Variants in DPYS observed in about 807,000 individuals in gnomAD.
DPYS encodes dihydropyrimidinase, also known as dihydropyrimidine amidohydrolase.
Under a neutral mutation model 50.3 loss-of-function variants are expected in DPYS, and 39 were observed. The ratio of observed to expected loss-of-function variants is 0.78; its 90% CI spans 0.60 to 1.01. The LOEUF (loss-of-function observed/expected upper bound fraction) is 1.01. Among genes scored for constraint, DPYS ranks in the 50% least tolerant of loss-of-function variants. The pLI, the probability that DPYS is intolerant of heterozygous loss-of-function variation, is 0.00. For synonymous variants in DPYS, 245 were observed against 250.7 expected, an observed-to-expected ratio of 0.98 and a Z score of 0.22; for missense variants, 659 against 680.9, an observed-to-expected ratio of 0.97 and a Z score of 0.36.
At chr8:104,466,438 G>A (rs1814394954) in intron 1 of DPYS, among the ~76,000 whole-genome samples, 2 of 152,304 alleles carry the variant, frequency 1.3e-5, no homozygotes, top group Admixed American at 6.5e-5. Flanking sequence ...GTTGAGCCAA[G>A]GCTGCTCGGC....
At chr8:104,437,045 T>C (rs775290223) in intron 4 of DPYS, among the ~76,000 whole-genome samples, 3 of 152,032 alleles carry the variant, frequency 2.0e-5, no homozygotes, top group Non-Finnish European at 2.9e-5. Context: ...TTTCCTAAAA[T>C]GTATAGCAAA....
At chr8:104,412,314 T>C (rs1211185152) in intron 7 of DPYS, among the ~76,000 whole-genome samples, 2 of 152,144 alleles carry the variant, frequency 1.3e-5, no homozygotes, top group African/African-American at 4.8e-5. Flanking sequence ...AACCTCAGAT[T>C]CACAGATCTT....
chr8:104,436,812 T>C (rs1588443940), intron 4 of DPYS, among the ~76,000 whole-genome samples: 1 of 152,016 alleles, frequency 6.6e-6, no homozygotes, highest in South Asian at 2.1e-4. Flanking sequence ...CTGGGCAACA[T>C]AGTAAGACTA....
At chr8:104,414,422 G>C (rs1393815297) in intron 7 of DPYS, among the ~76,000 whole-genome samples, 1 of 152,118 alleles carries the variant, frequency 6.6e-6, no homozygotes, top group Non-Finnish European at 1.5e-5. Context: ...TAGGGTCTGA[G>C]AGTTGGCATT....
chr8:104,425,703 T>C (rs1032962087), intron 6 of DPYS, among the ~76,000 whole-genome samples: 2 of 152,128 alleles, frequency 1.3e-5, no homozygotes, highest in Non-Finnish European at 2.9e-5. Flanking sequence ...CCAACAATTA[T>C]GGATAGTCTA....
At chr8:104,413,435 G>A (rs1019502474) in intron 7 of DPYS, among the ~76,000 whole-genome samples, 2 of 152,064 alleles carry the variant, frequency 1.3e-5, no homozygotes, top group African/African-American at 4.8e-5. Context: ...TAGTTGTTGA[G>A]ATGAGGAAGG....
At chr8:104,411,555 C>T (rs967651159) in intron 7 of DPYS, among the ~76,000 whole-genome samples, 11 of 152,058 alleles carry the variant, frequency 7.2e-5, no homozygotes, top group Non-Finnish European at 1.5e-5. Flanking sequence ...AAGAAACCAC[C>T]TTTAAGAAAT....
At chr8:104,429,945 T>G (rs73291259) in intron 4 of DPYS, among the ~76,000 whole-genome samples, 2,736 of 152,274 alleles carry the variant, frequency 0.018, 75 homozygotes, top group African/African-American at 0.062. Flanking sequence ...TTTATGGCCA[T>G]ATAACCTAGA....
intron 7 of DPYS, among the ~76,000 whole-genome samples, chr8:104,422,292 T>C (rs1231141853): frequency 6.6e-6 from 1 of 152,168 alleles, no homozygotes; most frequent in East Asian, 1.9e-4. Flanking sequence ...TGAAATCAAA[T>C]CCAAAAATGC....
intron 7 of DPYS, among the ~76,000 whole-genome samples, chr8:104,413,173 T>C (rs961414244): frequency 2.0e-5 from 3 of 152,154 alleles, no homozygotes. Flanking sequence ...TCATCAATTA[T>C]GGTATATTCA....
At position 104,466,904 on chromosome 8, in the gene DPYS, C is replaced by T. The variant is rs199618701; in HGVS notation, c.17G>A (p.Arg6Gln). MAAPS[R>Q]LLIRGGRVVN... Reference sequence around the variant, plus strand: ...CACGCGACCCCCGCGGATCAGGAGCCGCGAGGGCGCCGCCATAGCGAGGGG... The same window carrying T: ...CACGCGACCCCCGCGGATCAGGAGCTGCGAGGGCGCCGCCATAGCGAGGGG... The change falls in exon 1 of 10, where the codon CGG becomes CAG. Residue 6 changes from arginine to glutamine, a missense_variant. Arg to Gln is a conservative substitution (Grantham distance 43). Coordinates refer to ENST00000351513, the MANE Select transcript of DPYS (RefSeq NM_001385.3). 3.4e-4 allele frequency: 507 copies of T among 1,499,708 alleles called. 1 individual carries two copies. Among genetic ancestry groups the T allele is most frequent in the East Asian group, 2.3e-3 (87 of 37,508 alleles). The allele number at this position is 1,499,708 out of a possible 1,614,324, so 92.9% of individuals were successfully genotyped here. A position where few individuals can be genotyped will look rare whatever the true frequency, so the allele number is the denominator to read the frequency against.
chr8:104,413,798 C>T (rs1370934642), intron 7 of DPYS, among the ~76,000 whole-genome samples: 1 of 152,142 alleles, frequency 6.6e-6, no homozygotes, highest in Non-Finnish European at 1.5e-5. Context: ...AACTAATCAG[C>T]CTCAGATATT....
At position 104,428,177 on chromosome 8, in the gene DPYS, G is replaced by A. The variant is rs1042036993; in HGVS notation, c.951-56C>T. ...GTGAGTATACAGAATATGTTAGGAG[G>A]AAACTGCCATAACCTTTCCTAATCT... On this transcript the variant is annotated intron_variant, in intron 5 of 9. Transcript: ENST00000351513. 24 of 1,608,364 alleles carry A rather than the reference G, an allele frequency of 1.5e-5. No homozygotes were observed. The Admixed American group carries it at 2.8e-4, about 19-fold the overall frequency.
At chr8:104,400,921 C>T (rs997576162) in intron 7 of DPYS, among the ~76,000 whole-genome samples, 8 of 152,176 alleles carry the variant, frequency 5.3e-5, no homozygotes, top group South Asian at 4.1e-4. Context: ...CAAAGAGCCG[C>T]GTGCTCTTAC....
At chr8:104,384,159 C>T (rs1206853360) in intron 8 of DPYS, among the ~76,000 whole-genome samples, 2 of 152,220 alleles carry the variant, frequency 1.3e-5, no homozygotes, top group Non-Finnish European at 2.9e-5. Flanking sequence ...AAACAAGCAG[C>T]CTCCTGTCAG....
intron 4 of DPYS, 58 bp downstream of exon 4, chr8:104,444,190 G>A (rs970506856): frequency 1.5e-5 from 24 of 1,590,770 alleles, no homozygotes; most frequent in Non-Finnish European, 1.9e-5. Context: ...GGCTACAGAC[G>A]TGGACTTTTC....
intron 1 of DPYS, among the ~76,000 whole-genome samples, chr8:104,454,889 T>A (rs1813871477): frequency 6.6e-6 from 1 of 152,162 alleles, no homozygotes; most frequent in African/African-American, 2.4e-5. Flanking sequence ...GATATCTGAC[T>A]CACAGCAAGT....
At chr8:104,448,818 C>T (rs1178312859) in intron 2 of DPYS, among the ~76,000 whole-genome samples, 1 of 152,150 alleles carries the variant, frequency 6.6e-6, no homozygotes, top group Non-Finnish European at 1.5e-5. Context: ...GATAATATTA[C>T]ACGTGAATTT....
chr8:104,466,712 A>T lies in DPYS; in HGVS notation c.209T>A (p.Met70Lys), dbSNP rs370718225. The stretch of plus-strand genomic sequence containing the variant: ...CCGCGAGCCCATGAAGGGGAACTGC[A>T]TGTGCGTGTGTGTGTCGATGCCTCC... ...LPGGIDTHTH[M>K]QFPFMGSRSI... The change falls in exon 1 of 10, where the codon ATG becomes AAG. Residue 70 changes from methionine (M) to lysine (K), a missense_variant. By Grantham distance (95) the Met-to-Lys change is moderately conservative. Coordinates refer to ENST00000351513, the MANE Select transcript of DPYS (RefSeq NM_001385.3). 2 of 1,534,836 alleles carry T rather than the reference A, an allele frequency of 1.3e-6. No homozygotes were observed. Among genetic ancestry groups the T allele is most frequent in the Non-Finnish European group, 1.7e-6 (2 of 1,145,034 alleles).
Sources: allele counts gnomAD v4.1 joint callset (sites outside exome capture counted in the v4.1 genomes callset), GRCh38; gene constraint gnomAD v4.1.1; transcripts MANE v1.5; gene names NCBI Gene and HGNC (gene_info 2026-07-23, HGNC 2026-07-21).